AGMO: variants seen among roughly 807,000 people sequenced by gnomAD.
AGMO encodes alkylglycerol monooxygenase, also known as glyceryl-ether monooxygenase.
Under a neutral mutation model 60.2 loss-of-function variants are expected in AGMO, and 75 were observed. The ratio of observed to expected loss-of-function variants is 1.25; its 90% CI spans 1.03 to 1.51. The LOEUF (loss-of-function observed/expected upper bound fraction) is 1.51. Ranked by LOEUF, AGMO falls within the 40% of genes most tolerant of loss-of-function variation. The pLI is 0.00. For missense variants in AGMO, 763 were observed against 525.5 expected, an observed-to-expected ratio of 1.45 and a Z score of -4.42; for synonymous variants, 261 against 177.1, an observed-to-expected ratio of 1.47 and a Z score of -3.76.
At chr7:15,542,576 T>G (rs1404412679) in intron 3 of AGMO, among the ~76,000 whole-genome samples, 1 of 152,164 alleles carries the variant, frequency 6.6e-6, no homozygotes, top group East Asian at 1.9e-4. Flanking sequence ...TAGTGCGGCA[T>G]GAGGAAGGTT....
At chr7:15,421,967 C>G (rs1780939323) in intron 4 of AGMO, among the ~76,000 whole-genome samples, 1 of 151,786 alleles carries the variant, frequency 6.6e-6, no homozygotes, top group South Asian at 2.1e-4. Flanking sequence ...AGATCTGGTA[C>G]CTAGCATCAT....
At chr7:15,458,230 C>G (rs1012100635) in intron 3 of AGMO, among the ~76,000 whole-genome samples, 1 of 152,090 alleles carries the variant, frequency 6.6e-6, no homozygotes, top group Non-Finnish European at 1.5e-5. Flanking sequence ...CAAGGAAAAA[C>G]CAGAACAAAT....
chr7:15,209,776 C>T (rs1209071959), intron 12 of AGMO, among the ~76,000 whole-genome samples: 2 of 152,146 alleles, frequency 1.3e-5, no homozygotes. Context: ...CAGCTGCTTT[C>T]CTGAGAGACA....
At chr7:15,376,190 T>C (rs974984344) in intron 10 of AGMO, among the ~76,000 whole-genome samples, 1 of 151,974 alleles carries the variant, frequency 6.6e-6, no homozygotes, top group Non-Finnish European at 1.5e-5. Context: ...ACATTCCTTT[T>C]TTTTCCCCCA....
chr7:15,351,869 AGATG>A (rs1428656394), intron 12 of AGMO, among the ~76,000 whole-genome samples: 1 of 151,868 alleles, frequency 6.6e-6, no homozygotes, highest in Non-Finnish European at 1.5e-5. Flanking sequence ...TAAAATACAA[AGATG>A]AATAGCACTA....
At chr7:15,290,255 C>T (rs1023032516) in intron 12 of AGMO, among the ~76,000 whole-genome samples, 3 of 152,080 alleles carry the variant, frequency 2.0e-5, no homozygotes, top group Non-Finnish European at 4.4e-5. Flanking sequence ...TCTCGAACTC[C>T]TCACCTCGTG....
At chr7:15,288,459 T>C (rs1028777375) in intron 12 of AGMO, among the ~76,000 whole-genome samples, 4 of 152,144 alleles carry the variant, frequency 2.6e-5, no homozygotes, top group Non-Finnish European at 5.9e-5. Context: ...TGAATCTACA[T>C]AAAAATGAAT....
intron 12 of AGMO, among the ~76,000 whole-genome samples, chr7:15,364,337 T>A (rs1782882147): frequency 6.6e-6 from 1 of 152,026 alleles, no homozygotes; most frequent in African/African-American, 2.4e-5. Context: ...TATATACCGA[T>A]ATCTCCCTCT....
At chr7:15,244,801 G>C (rs185761823) in intron 12 of AGMO, among the ~76,000 whole-genome samples, 1 of 151,936 alleles carries the variant, frequency 6.6e-6, no homozygotes, top group Non-Finnish European at 1.5e-5. Flanking sequence ...ACAGGTGCCC[G>C]CCACCATGCG....
At chr7:15,543,676 A>G (rs1784691441) in intron 3 of AGMO, among the ~76,000 whole-genome samples, 2 of 152,096 alleles carry the variant, frequency 1.3e-5, no homozygotes, top group Admixed American at 6.6e-5. Flanking sequence ...TCTATCAAGC[A>G]TATCATAATA....
chr7:15,309,775 G>C (rs1386038256), intron 12 of AGMO, among the ~76,000 whole-genome samples: 2 of 152,042 alleles, frequency 1.3e-5, no homozygotes, highest in African/African-American at 4.8e-5. Context: ...GCCCAGAGAA[G>C]TTAACTGGCT....
rs116583126 is a variant in AGMO at position 15,259,505 on chromosome 7, C to G, written c.1264-58146G>C. 2.5e-4 allele frequency among the ~76,000 whole-genome samples: 38 copies of G among 152,128 alleles called. 1 individual carries two copies. Among genetic ancestry groups the G allele is most frequent in the African/African-American group, 9.2e-4 (38 of 41,496 alleles). ...TATTTGAGGGAATAATTGAGGAAAACTACCCCGGCTTTACTAGAGATCTAG... is the reference window on the plus strand; with the variant it reads ...TATTTGAGGGAATAATTGAGGAAAAGTACCCCGGCTTTACTAGAGATCTAG... On this transcript the variant is annotated intron_variant, in intron 12 of 12. Transcript: ENST00000342526.
chr7:15,356,953 CAAAAAA>C (rs917201250), intron 12 of AGMO, among the ~76,000 whole-genome samples: 17 of 68,912 alleles, frequency 2.5e-4, no homozygotes, highest in Admixed American at 6.2e-4. Context: ...ACTAAAATTA[CAAAAAA>C]AAAAAAAAAA....
intron 12 of AGMO, among the ~76,000 whole-genome samples, chr7:15,261,986 G>C (rs990468099): frequency 6.6e-6 from 1 of 151,910 alleles, no homozygotes. Context: ...GCATAGAAGG[G>C]ACATATTTTA....
At chr7:15,276,372 T>G (rs1783787977) in intron 12 of AGMO, among the ~76,000 whole-genome samples, 1 of 152,284 alleles carries the variant, frequency 6.6e-6, no homozygotes, top group South Asian at 2.1e-4. Context: ...CAAGCTCTTC[T>G]GGCTTGTAAG....
At chr7:15,371,702 G>A (rs773887351) in intron 10 of AGMO, among the ~76,000 whole-genome samples, 4 of 121,720 alleles carry the variant, frequency 3.3e-5, no homozygotes, top group Non-Finnish European at 5.2e-5. Context: ...CCAGCCAACG[G>A]CTGATTTTTG....
intron 12 of AGMO, among the ~76,000 whole-genome samples, chr7:15,256,213 G>A (rs1783093706): frequency 6.6e-6 from 1 of 152,186 alleles, no homozygotes. Context: ...ATCACTGGAG[G>A]TGAGCAGCCA....
chr7:15,430,939 A>ATTTTTT, intron 4 of AGMO, 66 bp downstream of exon 4: 1 of 468,168 alleles, frequency 2.1e-6, no homozygotes. Flanking sequence ...TTTTTGAGGA[A>ATTTTTT]ATAGAAATAG....
the AGMO span, among the ~76,000 whole-genome samples, chr7:15,161,445 G>A: frequency 6.6e-6 from 1 of 150,426 alleles, no homozygotes; most frequent in Admixed American, 6.6e-5. Context: ...TATATACACA[G>A]ACACACACAC....
Sources: gnomAD v4.1 joint callset for allele counts (sites outside exome capture counted in the v4.1 genomes callset) on GRCh38, gnomAD v4.1.1 for gene constraint, MANE v1.5 for transcripts, NCBI Gene and HGNC (gene_info 2026-07-23, HGNC 2026-07-21) for gene names.